Variants in CFAP65 observed in about 807,000 individuals in gnomAD.
CFAP65 encodes cilia and flagella associated protein 65.
CFAP65 carries 155 observed loss-of-function variants against 208.0 expected under a neutral mutation model. That is an observed-to-expected ratio of 0.75 (90% CI 0.65 to 0.85). The LOEUF (loss-of-function observed/expected upper bound fraction) is 0.85, where lower values mean the gene tolerates loss of function less well. Ranked by LOEUF, CFAP65 falls within the 40% of genes least tolerant of loss-of-function variation. The pLI is 0.00. For synonymous variants in CFAP65, 970 were observed against 986.3 expected (o/e 0.98, Z 0.31); for missense variants, 2,294 against 2,451.3 (o/e 0.94, Z 1.36).
Position 219,005,492 on chromosome 2 carries a change from C to T in CFAP65, c.4993G>A (p.Gly1665Ser). ...TGCTTCTTCTGCTTGGAAACAGGGC[C>T]CCACTTGTTAGGGGATTTTTCCTCA... ...TSEEKSPNKWGPVSKQKKQLL... is the reference protein window; with the variant it reads ...TSEEKSPNKWSPVSKQKKQLL... Residue 1665 changes from glycine (G) to serine (S), a missense_variant, in exon 32 of 35, where the codon GGC becomes AGC. Coordinates refer to ENST00000341552, the MANE Select transcript of CFAP65 (RefSeq NM_194302.4). The T allele has an allele frequency of 6.2e-7, 1 of 1,613,600 alleles. No homozygotes were observed. Among genetic ancestry groups the T allele is most frequent in the Non-Finnish European group, 8.5e-7 (1 of 1,179,970 alleles).
rs372896467 is a variant in CFAP65, at chr2:219,031,478, C to T, written c.815+11G>A. 1 of 1,614,208 alleles carries T rather than the reference C, an allele frequency of 6.2e-7. No individual in the cohort carries two copies. Among genetic ancestry groups the T allele is most frequent in the Non-Finnish European group, 8.5e-7 (1 of 1,180,038 alleles). Reference sequence around the variant, plus strand: ...CTTGCTCTCCCCGCCGCACCTCAGCCTCTTCCTCACCCCACATTATCCAGG... The same window carrying T: ...CTTGCTCTCCCCGCCGCACCTCAGCTTCTTCCTCACCCCACATTATCCAGG... On this transcript the variant is annotated intron_variant, in intron 7 of 34. Transcript: ENST00000341552. This position sits in a 1 kb window ranked among gnomAD's most constrained non-coding sequence, Gnocchi z 5.2.
At position 219,027,823 on chromosome 2, in the gene CFAP65, T is replaced by C. The variant is rs1270137968; in HGVS notation, c.2038A>G (p.Thr680Ala). 3.1e-6 allele frequency: 5 copies of C among 1,606,960 alleles called. No homozygotes were observed. The highest frequency in any genetic ancestry group is 1.7e-6 in the Non-Finnish European group (2 of 1,175,272). Reference protein sequence around the residue: ...NPVPLCLMNHTKGKIMVVWTR... With the variant: ...NPVPLCLMNHAKGKIMVVWTR... ...CAGACCACCATGATCTTGCCCTTGG[T>C]GTGGTTCATCAGGCACAGGGGTACA... Residue 680 changes from threonine (T) to alanine (A), a missense_variant, in exon 13 of 35, where the codon ACC (threonine) becomes GCC (alanine). Around this residue, in one of 2 missense-constraint regions of CFAP65, gnomAD observed 867 missense variants for 1,012.6 expected, o/e 0.86. Transcript: ENST00000341552.
At position 219,027,966 on chromosome 2, in the gene CFAP65, G is replaced by A. The variant is rs759891561; in HGVS notation, c.1895C>T (p.Pro632Leu). 1.3e-6 allele frequency: 2 copies of A among 1,520,462 alleles called. No individual in the cohort carries two copies. Among genetic ancestry groups the A allele is most frequent in the Non-Finnish European group, 1.8e-6 (2 of 1,135,096 alleles). 94.2% of individuals were successfully genotyped at this position (1,520,462 alleles called of 1,614,324 possible). The change falls in exon 13 of 35, where the codon CCC becomes CTC. Residue 632 changes from proline to leucine, a missense_variant. This residue lies in a region of CFAP65 where 867 missense variants were observed against 1,012.6 expected (regional missense o/e 0.86). Transcript: ENST00000341552. ...MPAPQYPYIP[P>L]MTEFFFDGTS... ...GCCGTCGAAGAAGAACTCGGTCATGGGGGGGATATAAGGGTACTGCGGGGC... is the reference window on the plus strand; with the variant it reads ...GCCGTCGAAGAAGAACTCGGTCATGAGGGGGATATAAGGGTACTGCGGGGC...
Position 219,009,955 on chromosome 2 carries a change from A to G in CFAP65, c.4439T>C (p.Leu1480Pro). ...GGGGACTCTCACCTCCCCAAAATCT[A>G]GAGGACTTGGCTGCCAGGAGAAGGC... ...EIAFSWQPSP[L>P]DFGEVSVSPM... is the part of the protein sequence containing the mutation. The change falls in exon 27 of 35, where the codon CTA becomes CCA. Residue 1480 changes from leucine (L) to proline (P), a missense_variant. Physicochemically the swap from Leu to Pro is moderately conservative, Grantham distance 98. Transcript: ENST00000341552. 6.2e-7 allele frequency: 1 copy of G among 1,610,564 alleles called. No homozygotes were observed. The highest frequency in any genetic ancestry group is 1.3e-5 in the African/African-American group (1 of 74,886).
intron 5 of CFAP65, 195 bp downstream of exon 5, chr2:219,035,285 T>C (rs778913000): frequency 2.4e-5 from 36 of 1,488,812 alleles, no homozygotes; most frequent in Admixed American, 1.8e-4. Context: ...CAGGCACACA[T>C]TGGGACACTA....
chr2:219,022,720 G>A (rs1017538739), intron 16 of CFAP65, among the ~76,000 whole-genome samples: 5 of 152,148 alleles, frequency 3.3e-5, no homozygotes, highest in African/African-American at 1.2e-4. Flanking sequence ...GGTGCTTCTT[G>A]TCCCAAGTTT....
chr2:219,009,456 G>A lies in CFAP65; in HGVS notation c.4457C>T (p.Ser1486Phe). Reference protein sequence around the residue: ...QPSPLDFGEVSVSPMIGVVAP... With the variant: ...QPSPLDFGEVFVSPMIGVVAP... ...CACCACCCCTATCATGGGACTCACA[G>A]ACACCTGTTGATTTGGGGAAGGAGT... Residue 1486 changes from serine (S) to phenylalanine (F), a missense_variant, in exon 28 of 35, where the codon TCT becomes TTT. Around this residue, in one of 2 missense-constraint regions of CFAP65, gnomAD observed 1,427 missense variants for 1,438.7 expected, o/e 0.99. Transcript: ENST00000341552. The A allele has an allele frequency of 6.2e-7, 1 of 1,608,172 alleles. No homozygotes were observed. The highest frequency in any genetic ancestry group is 8.5e-7 in the Non-Finnish European group (1 of 1,175,876).
chr2:219,016,933 T>TAC (rs1946928742), intron 21 of CFAP65, among the ~76,000 whole-genome samples: 1 of 152,240 alleles, frequency 6.6e-6, no homozygotes, highest in South Asian at 2.1e-4. Flanking sequence ...CCACGCGGTG[T>TAC]ACACACCAGG....
intron 18 of CFAP65, among the ~76,000 whole-genome samples, chr2:219,021,544 T>C (rs1449397244): frequency 6.6e-6 from 1 of 152,180 alleles, no homozygotes; most frequent in Non-Finnish European, 1.5e-5. Flanking sequence ...ATGAGGAAGC[T>C]GAGGCTCAGA....
chr2:219,021,371 G>A, intron 18 of CFAP65, 91 bp from the exon 19 acceptor site: 1 of 1,407,192 alleles, frequency 7.1e-7, no homozygotes, highest in Non-Finnish European at 9.3e-7. Flanking sequence ...TGGGCACCAG[G>A]GGAGGACAGC....
At chr2:219,027,445 T>A in intron 13 of CFAP65, 2 of 1,529,636 alleles carry the variant, frequency 1.3e-6, no homozygotes. Context: ...GAGACTTACA[T>A]AAGAATGAGA....
chr2:219,009,436 C>T lies in CFAP65; in HGVS notation c.4477G>A (p.Val1493Met). The T allele has an allele frequency of 6.2e-7, 1 of 1,612,504 alleles. No individual in the cohort carries two copies. The highest frequency in any genetic ancestry group is 2.2e-5 in the East Asian group (1 of 44,870). ...GEVSVSPMIGVVAPEETVPFV... is the reference protein window; with the variant it reads ...GEVSVSPMIGMVAPEETVPFV... ...GGGACCGTCTCTTCAGGAGCCACCA[C>T]CCCTATCATGGGACTCACAGACACC... Residue 1493 changes from valine to methionine, a missense_variant, in exon 28 of 35, where the codon GTG becomes ATG. Val to Met is a conservative substitution (Grantham distance 21). Around this residue, in one of 2 missense-constraint regions of CFAP65, gnomAD observed 1,427 missense variants for 1,438.7 expected, o/e 0.99. Transcript: ENST00000341552.
At chr2:219,012,932 ACT>A (rs567047022) in intron 24 of CFAP65, among the ~76,000 whole-genome samples, 213 of 152,348 alleles carry the variant, frequency 1.4e-3, no homozygotes, top group African/African-American at 4.7e-3. Context: ...TTATGTATAT[ACT>A]GGGGTGTAAG....
In CFAP65 at chr2:219,004,019, A is replaced by C; in HGVS notation, c.5488T>G (p.Trp1830Gly). Residue 1830 changes from tryptophan to glycine, a missense_variant, in exon 33 of 35, where the codon TGG becomes GGG. Trp to Gly is a radical substitution (Grantham distance 184). Coordinates refer to ENST00000341552, the MANE Select transcript of CFAP65 (RefSeq NM_194302.4). The surrounding 1 kb of genome is among the most constrained non-coding windows in gnomAD (Gnocchi z 4.7). ...PESQESMQWQ[W>G]QQQLNVMVKE... ...ACCATGACATTCAGCTGCTGTTGCC[A>C]CTGCCATTGCATGGACTCCTGGGAC... is the stretch of plus-strand genomic sequence containing the variant. The C allele has an allele frequency of 6.2e-7, 1 of 1,613,894 alleles. No individual in the cohort carries two copies. Among genetic ancestry groups the C allele is most frequent in the South Asian group, 1.1e-5 (1 of 91,062 alleles).
At chr2:219,035,424 C>T (rs1034457753) in intron 5 of CFAP65, 56 bp downstream of exon 5, 2 of 1,613,794 alleles carry the variant, frequency 1.2e-6, no homozygotes, top group Middle Eastern at 1.6e-4. Flanking sequence ...TTGAAGAGAG[C>T]CTGCTTTCGG....
intron 29 of CFAP65, among the ~76,000 whole-genome samples, chr2:219,007,057 C>T (rs973156987): frequency 1.3e-5 from 2 of 152,114 alleles, no homozygotes; most frequent in East Asian, 1.9e-4. Context: ...TGCCCTGGAG[C>T]TTTGTGGTTC....
intron 21 of CFAP65, among the ~76,000 whole-genome samples, chr2:219,016,580 C>A (rs972206039): frequency 6.6e-6 from 1 of 152,124 alleles, no homozygotes; most frequent in Non-Finnish European, 1.5e-5. Flanking sequence ...CAGGCGTGAG[C>A]CACCAGGCCT....
At chr2:219,025,493 C>T (rs1233685664) in intron 14 of CFAP65, among the ~76,000 whole-genome samples, 1 of 152,162 alleles carries the variant, frequency 6.6e-6, no homozygotes, top group Non-Finnish European at 1.5e-5. Context: ...GGTCTGGCCC[C>T]AGGCTCTGTG....
In CFAP65 at chr2:219,027,769, C is replaced by A; in HGVS notation, c.2092G>T (p.Val698Leu). The change falls in exon 13 of 35, where the codon GTG becomes TTG. Residue 698 changes from valine to leucine, a missense_variant. Coordinates refer to ENST00000341552, the MANE Select transcript of CFAP65 (RefSeq NM_194302.4). ...WTRRSDCPFW[V>L]TPESCDVPPL... ...GGCACGTCGCAGCTCTCTGGAGTCA[C>A]CCAGAAGGGGCAGTCAGACCTTCGC... is the stretch of plus-strand genomic sequence containing the variant. 1 of 1,614,092 alleles carries A rather than the reference C, an allele frequency of 6.2e-7. No homozygotes were observed. Among genetic ancestry groups the A allele is most frequent in the Non-Finnish European group, 8.5e-7 (1 of 1,180,008 alleles).
Sources: allele counts gnomAD v4.1 joint callset (sites outside exome capture counted in the v4.1 genomes callset), GRCh38; gene constraint gnomAD v4.1.1; regional missense constraint gnomAD v4.1.1; non-coding constraint Gnocchi (gnomAD v3.1); transcripts MANE v1.5; gene names NCBI Gene and HGNC (gene_info 2026-07-23, HGNC 2026-07-21).